HSDL1: variants seen among roughly 807,000 people sequenced by gnomAD.
HSDL1 encodes hydroxysteroid dehydrogenase like 1.
HSDL1 carries 29 observed loss-of-function variants against 31.5 expected under a neutral mutation model. The observed-to-expected ratio is 0.92, with a 90% CI of 0.69 to 1.26. The LOEUF (loss-of-function observed/expected upper bound fraction) is 1.26, where lower values mean the gene tolerates loss of function less well. HSDL1 is among the 50% of genes most tolerant of loss of function. HSDL1 has a pLI of 0.00. For missense variants in HSDL1, 503 were observed against 416.6 expected (o/e 1.21, Z -1.81); for synonymous variants, 222 against 155.2 (o/e 1.43, Z -3.20).
At chr16:84,127,748 T>C (rs1047352078) in intron 5 of HSDL1, among the ~76,000 whole-genome samples, 14 of 148,146 alleles carry the variant, frequency 9.5e-5, no homozygotes, top group African/African-American at 3.5e-4. Context: ...AGACGGAGTC[T>C]TGCTCTGTCG....
chr16:84,137,870 C>A (rs1176736400), intron 1 of HSDL1, among the ~76,000 whole-genome samples: 3 of 152,250 alleles, frequency 2.0e-5, no homozygotes, highest in South Asian at 2.1e-4. Context: ...ATGTAGATAA[C>A]AAGCCTCGTC....
intron 2 of HSDL1, among the ~76,000 whole-genome samples, chr16:84,131,668 C>A (rs1241157168): frequency 6.7e-6 from 1 of 150,328 alleles, no homozygotes; most frequent in African/African-American, 2.4e-5. Context: ...GCACATGCCA[C>A]CACGCCCGGC....
intron 4 of HSDL1, 30 bp from the exon 5 acceptor site, chr16:84,129,805 T>G (rs758714193): frequency 6.4e-7 from 1 of 1,559,674 alleles, no homozygotes; most frequent in Non-Finnish European, 8.8e-7. Flanking sequence ...GAAAAGACTT[T>G]TAATTCTGGG....
At chr16:84,132,951 C>T (rs566917456) in intron 2 of HSDL1, among the ~76,000 whole-genome samples, 49 of 143,874 alleles carry the variant, frequency 3.4e-4, no homozygotes, top group African/African-American at 1.0e-3. Context: ...CTGGGGGTGG[C>T]AACTTTTGAA....
intron 1 of HSDL1, among the ~76,000 whole-genome samples, chr16:84,143,708 C>G (rs372176968): frequency 5.9e-5 from 9 of 151,940 alleles, no homozygotes; most frequent in East Asian, 3.8e-4. Flanking sequence ...ATTAAAACCA[C>G]AAACTTGGCC....
intron 3 of HSDL1, 115 bp downstream of exon 3, chr16:84,130,987 A>C (rs2086658790): frequency 1.2e-6 from 1 of 826,372 alleles, no homozygotes. Flanking sequence ...AGGAGCCATA[A>C]GTTTTATTTT....
At position 84,124,447 on chromosome 16, in the gene HSDL1, C is replaced by T; in HGVS notation, c.*183G>A. 1 of 529,232 alleles carries T rather than the reference C, an allele frequency of 1.9e-6. No individual in the cohort carries two copies. The highest frequency in any genetic ancestry group is 3.5e-6 in the Non-Finnish European group (1 of 285,846). The allele number at this position is 529,232 out of a possible 1,614,324, so 32.8% of individuals were successfully genotyped here. ...CAGGCATTATTGATCCTGTGCCATC[C>T]ACACACCCTTAAGGTTTTTCACAGC... On this transcript the variant is annotated 3_prime_UTR_variant, in exon 6 of 6. Transcript: ENST00000219439.
In HSDL1 at chr16:84,130,219, C is replaced by G. The variant is rs770891105; in HGVS notation, c.433G>C (p.Val145Leu). The change falls in exon 4 of 6, where the codon GTT (valine) becomes CTT (leucine). Residue 145 changes from valine to leucine, a missense_variant. Physicochemically the swap from Val to Leu is conservative, Grantham distance 32 (BLOSUM62 1). Coordinates refer to ENST00000219439, the MANE Select transcript of HSDL1 (RefSeq NM_031463.5). The stretch of plus-strand genomic sequence containing the variant: ...CCCACGTTATTTACCAAGATGCCAA[C>G]GTCTTTGTCCTTCAGGGCTTCTCGA... ...PIREALKDKDVGILVNNVGVF... is the reference protein window; with the variant it reads ...PIREALKDKDLGILVNNVGVF... 6.2e-7 allele frequency: 1 copy of G among 1,614,208 alleles called. No individual in the cohort carries two copies. Among genetic ancestry groups the G allele is most frequent in the South Asian group, 1.1e-5 (1 of 91,090 alleles).
At chr16:84,141,586 T>C (rs1263480342) in intron 1 of HSDL1, among the ~76,000 whole-genome samples, 1 of 152,220 alleles carries the variant, frequency 6.6e-6, no homozygotes, top group African/African-American at 2.4e-5. Flanking sequence ...GCCAAATGCT[T>C]TTGCAAAGCG....
At chr16:84,135,249 A>C (rs923858329) in intron 2 of HSDL1, among the ~76,000 whole-genome samples, 7 of 151,388 alleles carry the variant, frequency 4.6e-5, no homozygotes, top group African/African-American at 1.7e-4. Context: ...GAAAAAAGAA[A>C]AAAAAAAAAA....
intron 2 of HSDL1, among the ~76,000 whole-genome samples, chr16:84,135,248 A>G (rs2086701985): frequency 7.5e-6 from 1 of 133,780 alleles, no homozygotes; most frequent in African/African-American, 3.8e-5. Flanking sequence ...AGAAAAAAGA[A>G]AAAAAAAAAA....
In HSDL1 at chr16:84,131,307, G is replaced by C; in HGVS notation, c.15C>G (p.Asp5Glu). Residue 5 changes from aspartate (D) to glutamate (E), a missense_variant, in exon 3 of 6, where the codon GAC (aspartate) becomes GAG (glutamate). Asp to Glu is a conservative substitution (Grantham distance 45). Transcript: ENST00000219439. MAAV[D>E]SFYLLYREIA... ...TTTCCCTGTACAAGAGGTAGAAACT[G>C]TCAACAGCAGCCATGGCAACCTGCA... 1.2e-6 allele frequency: 2 copies of C among 1,613,762 alleles called. No individual in the cohort carries two copies. Among genetic ancestry groups the C allele is most frequent in the East Asian group, 2.2e-5 (1 of 44,884 alleles).
intron 1 of HSDL1, among the ~76,000 whole-genome samples, chr16:84,135,965 G>A (rs28620053): frequency 0.057 from 8,734 of 152,318 alleles, 836 homozygotes; most frequent in African/African-American, 0.2. Context: ...GGCCGGCATC[G>A]GGGAAGAGAG....
chr16:84,134,798 G>A (rs1183724480), intron 2 of HSDL1, among the ~76,000 whole-genome samples: 1 of 152,108 alleles, frequency 6.6e-6, no homozygotes, highest in Non-Finnish European at 1.5e-5. Flanking sequence ...GTATGTACCA[G>A]GACCTCTCAA....
Position 84,129,645 on chromosome 16 carries a change from G to A in HSDL1, c.797C>T (p.Ser266Leu), listed in dbSNP as rs199812312. 1.7e-5 allele frequency: 27 copies of A among 1,614,046 alleles called. No homozygotes were observed. Among genetic ancestry groups the A allele is most frequent in the South Asian group, 8.8e-5 (8 of 91,088 alleles). Reference sequence around the variant, plus strand: ...GACTTTTGGCGAAGGCACCAACCACGAGCACCTGTGCAGAAAGTTGCTGGG... The same window carrying A: ...GACTTTTGGCGAAGGCACCAACCACAAGCACCTGTGCAGAAAGTTGCTGGG... The part of the protein sequence containing the change: ...TAPSNFLHRC[S>L]WLVPSPKVYA... The change falls in exon 5 of 6, where the codon TCG (serine) becomes TTG (leucine). Residue 266 changes from serine to leucine, a missense_variant. Coordinates refer to ENST00000219439, the MANE Select transcript of HSDL1 (RefSeq NM_031463.5).
chr16:84,141,412 C>T (rs1342329017), intron 1 of HSDL1, among the ~76,000 whole-genome samples: 2 of 152,130 alleles, frequency 1.3e-5, no homozygotes, highest in Admixed American at 6.5e-5. Context: ...ATTCACAGGT[C>T]CCCCTGCTGC....
chr16:84,125,317 A>G (rs1264690744), intron 5 of HSDL1: 1 of 153,590 alleles, frequency 6.5e-6, no homozygotes, highest in African/African-American at 2.4e-5. Flanking sequence ...ACAAATACCC[A>G]CCAATCAATC....
Position 84,130,126 on chromosome 16 carries a change from C to T in HSDL1, c.526G>A (p.Val176Met). The T allele has an allele frequency of 6.2e-7, 1 of 1,614,200 alleles. No homozygotes were observed. Among genetic ancestry groups the T allele is most frequent in the Non-Finnish European group, 8.5e-7 (1 of 1,180,040 alleles). The change falls in exon 4 of 6, where the codon GTG becomes ATG. Residue 176 changes from valine to methionine, a missense_variant. Coordinates refer to ENST00000219439, the MANE Select transcript of HSDL1 (RefSeq NM_031463.5). ...SEDKLWDIINVNIAAASLMVH... is the reference protein window; with the variant it reads ...SEDKLWDIINMNIAAASLMVH... The stretch of plus-strand genomic sequence containing the variant: ...ATCAAACTAGCGGCGGCAATGTTCA[C>T]ATTTATGATGTCCCAGAGCTTGTCC...
At chr16:84,126,883 T>A (rs1289829214) in intron 5 of HSDL1, among the ~76,000 whole-genome samples, 1 of 152,162 alleles carries the variant, frequency 6.6e-6, no homozygotes, top group African/African-American at 2.4e-5. Flanking sequence ...GAAAATAATT[T>A]GAGTAACATA....
Sources: gnomAD v4.1 joint callset for allele counts (sites outside exome capture counted in the v4.1 genomes callset) on GRCh38, gnomAD v4.1.1 for gene constraint, MANE v1.5 for transcripts, NCBI Gene and HGNC (gene_info 2026-07-23, HGNC 2026-07-21) for gene names.